The following AGO1 variants were observed in gnomAD, a reference collection of about 807,000 sequenced individuals.
The protein encoded by AGO1 is protein argonaute-1.
Under a neutral mutation model 109.2 loss-of-function variants are expected in AGO1, and 11 were observed. That is an observed-to-expected ratio of 0.10 (90% CI 0.06 to 0.17). AGO1 has a LOEUF of 0.17. Ranked by LOEUF, AGO1 falls within the 10% of genes least tolerant of loss-of-function variation. AGO1 has a pLI of 1.00. For synonymous variants in AGO1, 422 were observed against 418.6 expected (o/e 1.01, Z -0.10); for missense variants, 574 against 1,140.3 (o/e 0.50, Z 7.15).
Position 35,888,475 on chromosome 1 carries a change from G to A in AGO1, c.74G>A (p.Arg25His), listed in dbSNP as rs1258716583. 6 of 1,614,082 alleles carry A rather than the reference G, an allele frequency of 3.7e-6. No individual in the cohort carries two copies. In the African/African-American group the frequency reaches 4.0e-5, roughly 11 times the overall value. ...PPLQQVFQAP[R>H]RPGIGTVGKP... Reference sequence around the variant, plus strand: ...CTGCAGCAGGTGTTCCAGGCACCTCGCCGGCCTGGCATTGGCACTGTGGGG... The same window carrying A: ...CTGCAGCAGGTGTTCCAGGCACCTCACCGGCCTGGCATTGGCACTGTGGGG... The change falls in exon 2 of 19, where the codon CGC becomes CAC. Residue 25 changes from arginine to histidine, a missense_variant. Coordinates refer to ENST00000373204, the MANE Select transcript of AGO1 (RefSeq NM_012199.5). The surrounding 1 kb of genome is among the most constrained non-coding windows in gnomAD (Gnocchi z 4.1).
upstream of AGO1, chr1:35,882,864 G>A (rs1645051464): frequency 3.0e-6 from 3 of 985,308 alleles, no homozygotes; most frequent in African/African-American, 1.7e-5. This position sits in a 1 kb window ranked among gnomAD's most constrained non-coding sequence, Gnocchi z 5.1. Context: ...GGAGTGCCAG[G>A]GGGTCTGGGA....
rs1438949295 is a variant in AGO1 at position 35,918,364 on chromosome 1, A to G, written c.2206A>G (p.Thr736Ala). 6.2e-7 allele frequency: 1 copy of G among 1,614,016 alleles called. No homozygotes were observed. Among genetic ancestry groups the G allele is most frequent in the Non-Finnish European group, 8.5e-7 (1 of 1,180,024 alleles). The change falls in exon 17 of 19, where the codon ACC (threonine) becomes GCC (alanine). Residue 736 changes from threonine (T) to alanine (A), a missense_variant. This residue lies in a region of AGO1 where 62 missense variants were observed against 192.0 expected (regional missense o/e 0.32). Coordinates refer to ENST00000373204, the MANE Select transcript of AGO1 (RefSeq NM_012199.5). ...CATCCCAGCTGGGACCACAGTGGAC[A>G]CCAACATCACCCACCCATTTGAGTT... is the stretch of plus-strand genomic sequence containing the variant. ...GNIPAGTTVD[T>A]NITHPFEFDF...
chr1:35,883,238 G>T lies in AGO1; in HGVS notation c.-184G>T. On this transcript the variant is annotated 5_prime_UTR_variant, in exon 1 of 19. Coordinates refer to ENST00000373204, the MANE Select transcript of AGO1 (RefSeq NM_012199.5). The surrounding 1 kb of genome is among the most constrained non-coding windows in gnomAD (Gnocchi z 5.4). Reference sequence around the variant, plus strand: ...GCAGCTGGCCGGGCGCTCGCAGTGGGAGCTGCTGCAGGCTCCGCGGCGGCG... The same window carrying T: ...GCAGCTGGCCGGGCGCTCGCAGTGGTAGCTGCTGCAGGCTCCGCGGCGGCG... 1 of 1,280,176 alleles carries T rather than the reference G, an allele frequency of 7.8e-7. No homozygotes were observed. Among genetic ancestry groups the T allele is most frequent in the Non-Finnish European group, 9.9e-7 (1 of 1,010,326 alleles). 79.3% of individuals were successfully genotyped at this position (1,280,176 alleles called of 1,614,324 possible). A position where few individuals can be genotyped will look rare whatever the true frequency, so the allele number is the denominator to read the frequency against.
intron 12 of AGO1, among the ~76,000 whole-genome samples, chr1:35,907,462 TGCAGCACAACCAA>T (rs922211025): frequency 1.3e-5 from 2 of 152,078 alleles, no homozygotes; most frequent in African/African-American, 2.4e-5. Flanking sequence ...CTGAACATCG[TGCAGCACAACCAA>T]GCAGAATAGG....
chr1:35,890,621 A>G (rs1485946179), intron 2 of AGO1, among the ~76,000 whole-genome samples: 1 of 152,194 alleles, frequency 6.6e-6, no homozygotes, highest in Non-Finnish European at 1.5e-5. Flanking sequence ...TATTATATAT[A>G]GATTCATTTT....
intron 15 of AGO1, among the ~76,000 whole-genome samples, chr1:35,916,012 T>G (rs1472113093): frequency 6.7e-6 from 1 of 150,218 alleles, no homozygotes; most frequent in Non-Finnish European, 1.5e-5. Flanking sequence ...TCCTATTCAT[T>G]CTCACTGCCA....
rs569449787 is a variant in AGO1 at position 35,901,737 on chromosome 1, G to A, written c.1140+144G>A. ...ATAAGGCTGCTTTTGCTTCTTGACC[G>A]TATAGCTACTTTGCTTTCTGTCTCT... is the stretch of plus-strand genomic sequence containing the variant. On this transcript the variant is annotated intron_variant, in intron 9 of 18. Transcript: ENST00000373204. The surrounding 1 kb of genome is among the most constrained non-coding windows in gnomAD (Gnocchi z 4.8). The A allele has an allele frequency of 1.8e-5, 25 of 1,386,140 alleles. No individual in the cohort carries two copies. Among genetic ancestry groups the A allele is most frequent in the South Asian group, 6.9e-5 (5 of 72,654 alleles). 85.9% of individuals were successfully genotyped at this position (1,386,140 alleles called of 1,614,324 possible).
At chr1:35,879,734 C>CAAAA (rs71034705), upstream of AGO1, among the ~76,000 whole-genome samples, 1,211 of 57,462 alleles carry the variant, frequency 0.021, 320 homozygotes, top group East Asian at 0.16. Context: ...GGTTCTGTCT[C>CAAAA]AAAAAAAAAA....
At chr1:35,907,820 A>G (rs72902976) in intron 12 of AGO1, among the ~76,000 whole-genome samples, 3 of 151,980 alleles carry the variant, frequency 2.0e-5, no homozygotes, top group East Asian at 1.9e-4. Context: ...TTGTCTTCCT[A>G]TTTCCTTCAT....
rs114138491 is a variant in AGO1 at position 35,917,985 on chromosome 1, A to G, written c.2163+258A>G. ...ACCCCATATATAGACCAGCTCCTAG[A>G]GAAGGGGAAGGGAACTACCATTTAT... On this transcript the variant is annotated intron_variant, in intron 16 of 18. Coordinates refer to ENST00000373204, the MANE Select transcript of AGO1 (RefSeq NM_012199.5). Among the ~76,000 whole-genome samples, 588 of 152,154 alleles carry G rather than the reference A, an allele frequency of 3.9e-3. 4 individuals are homozygous for G. The highest frequency in any genetic ancestry group is 0.012 in the African/African-American group (516 of 41,518).
rs544304120 is a variant in AGO1, at chr1:35,897,381, A to G, written c.1020+2112A>G. The stretch of plus-strand genomic sequence containing the variant: ...AAGTACAAAGGTTCTAAAGCAGAAG[A>G]GAATTTGGATCTTTTTGAGGGATAG... On this transcript the variant is annotated intron_variant, in intron 8 of 18. Coordinates refer to ENST00000373204, the MANE Select transcript of AGO1 (RefSeq NM_012199.5). Among the ~76,000 whole-genome samples, 13 of 152,342 alleles carry G rather than the reference A, an allele frequency of 8.5e-5. No homozygotes were observed. In the South Asian group the frequency reaches 2.5e-3, roughly 29 times the overall value.
In AGO1 at chr1:35,883,327, C is replaced by T; in HGVS notation, c.-95C>T. Reference sequence around the variant, plus strand: ...GCTTGGTAGGGGAGCCGAGCCCGGCCCGGGATCCCGAGCAGCGAGAGTGTG... The same window carrying T: ...GCTTGGTAGGGGAGCCGAGCCCGGCTCGGGATCCCGAGCAGCGAGAGTGTG... On this transcript the variant is annotated 5_prime_UTR_variant, in exon 1 of 19. Transcript: ENST00000373204. This position sits in a 1 kb window ranked among gnomAD's most constrained non-coding sequence, Gnocchi z 5.4. 6.6e-7 allele frequency: 1 copy of T among 1,521,722 alleles called. No individual in the cohort carries two copies. The highest frequency in any genetic ancestry group is 1.2e-5 in the South Asian group (1 of 80,058). 94.3% of individuals were successfully genotyped at this position (1,521,722 alleles called of 1,614,324 possible). A position where few individuals can be genotyped will look rare whatever the true frequency, so the allele number is the denominator to read the frequency against.
At position 35,883,278 on chromosome 1, in the gene AGO1, G is replaced by T. The variant is rs931863745; in HGVS notation, c.-144G>T. ...CCGCGGCGGCGGCAACGGAGGCTGC[G>T]GGGGCGGCGGCGCGAGCGGCCGGGC... On this transcript the variant is annotated 5_prime_UTR_variant, in exon 1 of 19. Coordinates refer to ENST00000373204, the MANE Select transcript of AGO1 (RefSeq NM_012199.5). This position sits in a 1 kb window ranked among gnomAD's most constrained non-coding sequence, Gnocchi z 5.4. The T allele has an allele frequency of 2.4e-5, 34 of 1,402,578 alleles. No individual in the cohort carries two copies. The Middle Eastern group carries it at 7.8e-4, about 32-fold the overall frequency. 86.9% of individuals were successfully genotyped at this position (1,402,578 alleles called of 1,614,324 possible).
intron 11 of AGO1, among the ~76,000 whole-genome samples, chr1:35,904,234 C>A (rs979319298): frequency 8.6e-5 from 13 of 151,196 alleles, no homozygotes; most frequent in South Asian, 8.4e-4. Context: ...GCCTCCCAAG[C>A]AGCTGGGACC....
chr1:35,895,345 C>G, intron 8 of AGO1, 76 bp downstream of exon 8: 1 of 1,466,630 alleles, frequency 6.8e-7, no homozygotes, highest in Non-Finnish European at 9.1e-7. Flanking sequence ...TCTGTTCTTT[C>G]ATTTTGAAGT....
At chr1:35,917,531 G>T (rs774227358) in intron 15 of AGO1, 62 bp from the exon 16 acceptor site, 8 of 1,561,716 alleles carry the variant, frequency 5.1e-6, no homozygotes, top group Non-Finnish European at 7.0e-6. Flanking sequence ...GTTCAGAAGG[G>T]TATGTGAACT....
At position 35,901,959 on chromosome 1, in the gene AGO1, C is replaced by G; in HGVS notation, c.1152C>G (p.Ala384=). The G allele has an allele frequency of 6.3e-7, 1 of 1,591,404 alleles. No homozygotes were observed. Among genetic ancestry groups the G allele is most frequent in the Non-Finnish European group, 8.6e-7 (1 of 1,169,458 alleles). The change falls in exon 10 of 19, where the codon GCC becomes GCG. Residue 384 remains alanine, a synonymous_variant. Coordinates refer to ENST00000373204, the MANE Select transcript of AGO1 (RefSeq NM_012199.5). The surrounding 1 kb of genome is among the most constrained non-coding windows in gnomAD (Gnocchi z 4.8). ...QEEISRLMKN[A]SYNLDPYIQE... ...CTTTTGTCCTGCAGATGAAGAATGC[C>G]AGCTACAACTTAGATCCCTACATCC...
Position 35,902,322 on chromosome 1 carries a change from G to C in AGO1, c.1382G>C (p.Arg461Pro). The change falls in exon 11 of 19, where the codon CGA becomes CCA. Residue 461 changes from arginine to proline, a missense_variant. Arg to Pro is a moderately radical substitution (Grantham distance 103). Transcript: ENST00000373204. ...IACFAPQKQCREEVLKNFTDQ... is the reference protein window; with the variant it reads ...IACFAPQKQCPEEVLKNFTDQ... ...TGCTTCGCACCCCAAAAACAGTGTC[G>C]AGAAGAGGTGCTCAAGTAAGGAGGG... The C allele has an allele frequency of 1.9e-6, 3 of 1,614,040 alleles. No individual in the cohort carries two copies. The highest frequency in any genetic ancestry group is 2.5e-6 in the Non-Finnish European group (3 of 1,179,982).
At chr1:35,908,084 G>C (rs1322512720) in intron 12 of AGO1, among the ~76,000 whole-genome samples, 1 of 152,178 alleles carries the variant, frequency 6.6e-6, no homozygotes, top group Non-Finnish European at 1.5e-5. Context: ...GGGTAACATA[G>C]TGAGACCTTG....
Sources: gnomAD v4.1 joint callset for allele counts (sites outside exome capture counted in the v4.1 genomes callset) on GRCh38, gnomAD v4.1.1 for gene constraint, gnomAD v4.1.1 regional missense constraint, Gnocchi (gnomAD v3.1) non-coding constraint, MANE v1.5 for transcripts, NCBI Gene and HGNC (gene_info 2026-07-23, HGNC 2026-07-21) for gene names.